The following AKT1 variants were observed in gnomAD, a reference collection of about 807,000 sequenced individuals.
AKT1 encodes RAC-alpha serine/threonine-protein kinase.
A neutral mutation model predicts 63.1 loss-of-function variants in AKT1; 21 were observed. The ratio of observed to expected loss-of-function variants is 0.33; its 90% CI spans 0.24 to 0.48. The LOEUF is 0.48. Ranked by LOEUF, AKT1 falls within the 20% of genes least tolerant of loss-of-function variation. The pLI, the probability that AKT1 is intolerant of heterozygous loss-of-function variation, is 0.99. For missense variants in AKT1, 382 were observed against 666.0 expected, an observed-to-expected ratio of 0.57 and a Z score of 4.69; for synonymous variants, 257 against 253.1, an observed-to-expected ratio of 1.02 and a Z score of -0.15.
intron 3 of AKT1, among the ~76,000 whole-genome samples, chr14:104,787,004 G>A (rs984457053): frequency 6.6e-6 from 1 of 152,026 alleles, no homozygotes; most frequent in African/African-American, 2.4e-5. Flanking sequence ...GCCTGGGCAG[G>A]TGGGCCCGCC....
chr14:104,780,719 C>CT (rs1388402717), intron 3 of AKT1, among the ~76,000 whole-genome samples: 4 of 152,272 alleles, frequency 2.6e-5, no homozygotes, highest in South Asian at 4.1e-4. Context: ...GGCCGCCCCC[C>CT]CCGCCCCGCC....
At chr14:104,774,671 T>C in intron 8 of AKT1, 1 of 498,594 alleles carries the variant, frequency 2.0e-6, no homozygotes, top group South Asian at 2.8e-5. Flanking sequence ...AGCTGGGGCC[T>C]CCTGGAGCCT....
Position 104,769,958 on chromosome 14 carries a change from T to C in AKT1, c.*383A>G. ...CCCCAGAGAGATGACAGATAGCTGG[T>C]GACAGACAGCCCAGGGCGGCTGGCT... On this transcript the variant is annotated 3_prime_UTR_variant, in exon 15 of 15. Transcript: ENST00000649815. The C allele has an allele frequency of 2.4e-6, 1 of 419,702 alleles. No individual in the cohort carries two copies. The highest frequency in any genetic ancestry group is 4.5e-5 in the East Asian group (1 of 22,008). The allele number at this position is 419,702 out of a possible 1,614,324, so 26.0% of individuals were successfully genotyped here. A position where few individuals can be genotyped will look rare whatever the true frequency, so the allele number is the denominator to read the frequency against.
At chr14:104,777,521 TG>T in intron 4 of AKT1, 1 of 1,009,946 alleles carries the variant, frequency 9.9e-7, no homozygotes, top group Non-Finnish European at 1.2e-6. Flanking sequence ...CACGCACACC[TG>T]GGGCACAGCC....
rs200702576 is a variant in AKT1, at chr14:104,772,868, C to T, written c.1172+10G>A. On this transcript the variant is annotated intron_variant, in intron 12 of 14. Coordinates refer to ENST00000649815, the MANE Select transcript of AKT1 (RefSeq NM_001382430.1). ...AGGTGTAGCCTGTAGCTGGGATGGG[C>T]GGCCCTCACCTCTGCTTGGGGTCCT... The T allele has an allele frequency of 5.6e-6, 9 of 1,602,018 alleles. No homozygotes were observed. Among genetic ancestry groups the T allele is most frequent in the African/African-American group, 4.0e-5 (3 of 74,884 alleles).
chr14:104,790,692 G>A (rs1385305783), intron 3 of AKT1, among the ~76,000 whole-genome samples: 1 of 152,208 alleles, frequency 6.6e-6, no homozygotes, highest in African/African-American at 2.4e-5. Context: ...ACTACACTGG[G>A]GATGGAGGAG....
At chr14:104,773,666 T>C (rs1892534800) in intron 9 of AKT1, 86 bp from the exon 10 acceptor site, 54 of 1,521,730 alleles carry the variant, frequency 3.5e-5, no homozygotes, top group Non-Finnish European at 4.7e-5. Flanking sequence ...AGACCGGGTC[T>C]CGGCATTGCA....
intron 3 of AKT1, chr14:104,786,397 AG>A (rs1169909028): frequency 6.6e-6 from 1 of 152,190 alleles, no homozygotes; most frequent in Admixed American, 6.5e-5. Flanking sequence ...CCCTCGGGAA[AG>A]GAAGTGGGCA....
Position 104,769,478 on chromosome 14 carries a change from A to G in AKT1, c.*863T>C. 2.0e-6 allele frequency: 1 copy of G among 502,140 alleles called. No individual in the cohort carries two copies. The highest frequency in any genetic ancestry group is 1.6e-5 in the South Asian group (1 of 61,526). 31.1% of individuals were successfully genotyped at this position (502,140 alleles called of 1,614,324 possible). ...GCGGCAGCGGCAGCGTCTGGCCAGG[A>G]GGCGTGGAGGGGCCCAGGGATGGCC... is the stretch of plus-strand genomic sequence containing the variant. On this transcript the variant is annotated 3_prime_UTR_variant, in exon 15 of 15. Coordinates refer to ENST00000649815, the MANE Select transcript of AKT1 (RefSeq NM_001382430.1).
chr14:104,792,786 G>T, intron 2 of AKT1, 64 bp from the exon 3 acceptor site: 1 of 1,052,120 alleles, frequency 9.5e-7, no homozygotes, highest in Non-Finnish European at 1.4e-6. Context: ...CCTCGCCCTG[G>T]GTGAGCCAGA....
intron 3 of AKT1, among the ~76,000 whole-genome samples, chr14:104,783,447 G>A (rs963693928): frequency 2.0e-5 from 3 of 152,034 alleles, no homozygotes; most frequent in Non-Finnish European, 4.4e-5. Flanking sequence ...GGAAGCACCC[G>A]CCACAGAGGG....
intron 3 of AKT1, among the ~76,000 whole-genome samples, chr14:104,781,550 G>A (rs2140960322): frequency 1.3e-5 from 2 of 152,252 alleles, no homozygotes; most frequent in African/African-American, 2.4e-5. Flanking sequence ...TTTAATAGAG[G>A]TGAGCCACCA....
intron 4 of AKT1, chr14:104,777,619 G>C: frequency 1.0e-6 from 1 of 991,716 alleles, no homozygotes; most frequent in Non-Finnish European, 1.2e-6. Flanking sequence ...CTGTGGGAAC[G>C]TGCGGGGCCC....
At position 104,769,880 on chromosome 14, in the gene AKT1, C is replaced by T; in HGVS notation, c.*461G>A. On this transcript the variant is annotated 3_prime_UTR_variant, in exon 15 of 15. Transcript: ENST00000649815. ...ACCCCCAGGAGAGGGTGCTGGCCAG[C>T]ATACCATAGTGAGGTTGCATCTGGT... 7.7e-6 allele frequency: 3 copies of T among 391,038 alleles called. No individual in the cohort carries two copies. The highest frequency in any genetic ancestry group is 7.4e-4 in the Middle Eastern group (1 of 1,348). The allele number at this position is 391,038 out of a possible 1,614,324, so 24.2% of individuals were successfully genotyped here.
chr14:104,780,109 G>A lies in AKT1; in HGVS notation c.154C>T (p.Leu52Phe), dbSNP rs1476861882. 1.2e-6 allele frequency: 2 copies of A among 1,613,642 alleles called. No homozygotes were observed. Among genetic ancestry groups the A allele is most frequent in the Non-Finnish European group, 8.5e-7 (1 of 1,179,932 alleles). ...TTACGCGCCACAGAGAAGTTGTTGA[G>A]GGGAGCCTCACGTTGGTCCACATCC... Reference protein sequence around the residue: ...PQDVDQREAPLNNFSVAQCQL... With the variant: ...PQDVDQREAPFNNFSVAQCQL... The change falls in exon 4 of 15, where the codon CTC becomes TTC. Residue 52 changes from leucine to phenylalanine, a missense_variant. Physicochemically the swap from Leu to Phe is conservative, Grantham distance 22. Transcript: ENST00000649815.
At chr14:104,792,918 C>A in intron 2 of AKT1, 196 bp from the exon 3 acceptor site, 2 of 587,470 alleles carry the variant, frequency 3.4e-6, no homozygotes, top group South Asian at 4.0e-5. Context: ...ACACTCAGGG[C>A]TGCCAAGTGT....
rs1407796097 is a variant in AKT1, at chr14:104,776,769, C to T, written c.177G>A (p.Gln59=). ...GCCGCTCCGTCTTCATCAGCTGGCACTCTGCGGGCAGGCAGAGCCTCTGTC... is the reference window on the plus strand; with the variant it reads ...GCCGCTCCGTCTTCATCAGCTGGCATTCTGCGGGCAGGCAGAGCCTCTGTC... ...EAPLNNFSVA[Q]CQLMKTERPR... The change falls in exon 5 of 15, where the codon CAG becomes CAA. Residue 59 remains glutamine, a splice_region_variant and synonymous_variant. Transcript: ENST00000649815. The T allele has an allele frequency of 1.9e-6, 3 of 1,612,452 alleles. No homozygotes were observed. Among genetic ancestry groups the T allele is most frequent in the East Asian group, 4.5e-5 (2 of 44,878 alleles).
chr14:104,791,688 T>G (rs1893634424), intron 3 of AKT1, among the ~76,000 whole-genome samples: 2 of 152,218 alleles, frequency 1.3e-5, no homozygotes, highest in Non-Finnish European at 2.9e-5. Context: ...CAGCTGTGTT[T>G]GGGGTCTCCC....
chr14:104,774,146 T>C (rs1433370036), intron 8 of AKT1, 166 bp from the exon 9 acceptor site: 3 of 615,504 alleles, frequency 4.9e-6, no homozygotes, highest in Non-Finnish European at 8.9e-6. Flanking sequence ...CACCGCCCGA[T>C]ACCACACTGC....
Sources: allele counts gnomAD v4.1 joint callset (sites outside exome capture counted in the v4.1 genomes callset), GRCh38; gene constraint gnomAD v4.1.1; transcripts MANE v1.5; gene names NCBI Gene and HGNC (gene_info 2026-07-23, HGNC 2026-07-21).